Variants in PLA2G4C observed in about 807,000 individuals in gnomAD.
The protein encoded by PLA2G4C is cytosolic phospholipase A2 gamma.
A neutral mutation model predicts 73.8 loss-of-function variants in PLA2G4C; 64 were observed. The ratio of observed to expected loss-of-function variants is 0.87; its 90% CI spans 0.71 to 1.07. The LOEUF is 1.07. PLA2G4C is among the 50% of genes least tolerant of loss of function. The pLI, the probability that PLA2G4C is intolerant of heterozygous loss-of-function variation, is 0.00. For missense variants in PLA2G4C, 622 were observed against 665.4 expected, an observed-to-expected ratio of 0.93 and a Z score of 0.72; for synonymous variants, 254 against 252.1, an observed-to-expected ratio of 1.01 and a Z score of -0.07.
In PLA2G4C at chr19:48,104,632, C is replaced by T. The variant is rs371995820; in HGVS notation, c.213G>A (p.Leu71=). The T allele has an allele frequency of 1.2e-5, 20 of 1,614,178 alleles. No individual in the cohort carries two copies. Among genetic ancestry groups the T allele is most frequent in the East Asian group, 1.1e-4 (5 of 44,884 alleles). ...CTGCGAGGTACGTGACGGCATCCAA[C>T]AGGCCCTGTTCTTTCATCTCACTCA... ...GVLSEMKEQG[L]LDAVTYLAGV... Residue 71 remains leucine (L), a synonymous_variant, in exon 4 of 17, where the codon CTG becomes CTA. Coordinates refer to ENST00000599921, the MANE Select transcript of PLA2G4C (RefSeq NM_003706.3).
In PLA2G4C at chr19:48,090,227, A is replaced by G. The variant is rs148315989; in HGVS notation, c.763+137T>C. On this transcript the variant is annotated intron_variant, in intron 8 of 16. Coordinates refer to ENST00000599921, the MANE Select transcript of PLA2G4C (RefSeq NM_003706.3). The stretch of plus-strand genomic sequence containing the variant: ...GTCATCCTGGCTGCCCAATTATATG[A>G]GAATAAATGTCAGGAAAAGCAGTTG... The G allele has an allele frequency of 1.1e-3, 757 of 701,520 alleles. 8 individuals are homozygous for G. In the African/African-American group the frequency reaches 0.011, roughly 10 times the overall value. The allele number at this position is 701,520 out of a possible 1,614,324, so 43.5% of individuals were successfully genotyped here.
At chr19:48,068,059 T>A in intron 12 of PLA2G4C, 173 bp from the exon 13 acceptor site, 1 of 596,482 alleles carries the variant, frequency 1.7e-6, no homozygotes, top group Non-Finnish European at 3.0e-6. Context: ...ATCCCAGCAC[T>A]TTGGGAGGCC....
chr19:48,068,204 C>T (rs1468302966), intron 12 of PLA2G4C, among the ~76,000 whole-genome samples: 1 of 149,896 alleles, frequency 6.7e-6, no homozygotes, highest in African/African-American at 2.5e-5. Flanking sequence ...ACTGGGGAGG[C>T]TGAGGCAGGA....
chr19:48,097,359 T>TCGCCTGCCTCAGC (rs1372534968), intron 6 of PLA2G4C, among the ~76,000 whole-genome samples: 1 of 147,476 alleles, frequency 6.8e-6, no homozygotes, highest in Non-Finnish European at 1.5e-5. Context: ...TTCACGCCAT[T>TCGCCTGCCTCAGC]CTCCTGCCTC....
chr19:48,053,616 C>T (rs1967814721), intron 15 of PLA2G4C, among the ~76,000 whole-genome samples: 2 of 152,060 alleles, frequency 1.3e-5, no homozygotes, highest in African/African-American at 4.8e-5. Flanking sequence ...AGGTGATCTG[C>T]CCCGGCTTGG....
At chr19:48,083,919 T>C (rs1358366742) in intron 10 of PLA2G4C, among the ~76,000 whole-genome samples, 3 of 152,032 alleles carry the variant, frequency 2.0e-5, no homozygotes, top group Non-Finnish European at 4.4e-5. Context: ...ACCAGTTACA[T>C]AGGTGAGTCA....
At chr19:48,077,219 T>C (rs756322491) in intron 11 of PLA2G4C, among the ~76,000 whole-genome samples, 3 of 152,114 alleles carry the variant, frequency 2.0e-5, no homozygotes, top group African/African-American at 4.8e-5. Context: ...AGCTCCTAGG[T>C]CTAATGAATG....
chr19:48,082,002 A>T (rs2030604089), intron 10 of PLA2G4C, among the ~76,000 whole-genome samples: 1 of 151,814 alleles, frequency 6.6e-6, no homozygotes, highest in South Asian at 2.1e-4. Context: ...AAGCACTTGA[A>T]CCCAGGATAC....
chr19:48,057,425 T>A (rs1377810223), intron 14 of PLA2G4C, among the ~76,000 whole-genome samples: 2 of 150,206 alleles, frequency 1.3e-5, no homozygotes, highest in South Asian at 2.1e-4. Context: ...AAACCACTCA[T>A]TAGCAAAAGG....
At chr19:48,097,825 C>A in intron 6 of PLA2G4C, 1 of 283,540 alleles carries the variant, frequency 3.5e-6, no homozygotes. Flanking sequence ...CACTATGTTG[C>A]CCAGGGTGGT....
intron 4 of PLA2G4C, among the ~76,000 whole-genome samples, chr19:48,102,654 C>T (rs983129830): frequency 2.6e-5 from 4 of 152,172 alleles, no homozygotes; most frequent in Non-Finnish European, 1.5e-5. Flanking sequence ...CAGTTTGTTG[C>T]TGTCACATGT....
intron 6 of PLA2G4C, among the ~76,000 whole-genome samples, chr19:48,096,296 T>A (rs189244739): frequency 1.6e-4 from 24 of 152,132 alleles, no homozygotes; most frequent in African/African-American, 5.8e-4. Flanking sequence ...AGATAAAACA[T>A]TCATGGCCGG....
intron 1 of PLA2G4C, among the ~76,000 whole-genome samples, chr19:48,107,701 G>A (rs1399487279): frequency 6.6e-6 from 1 of 152,146 alleles, no homozygotes; most frequent in African/African-American, 2.4e-5. Flanking sequence ...CAGTTATCCA[G>A]AGGCCTGACC....
At chr19:48,100,415 C>G (rs116700930) in intron 4 of PLA2G4C, among the ~76,000 whole-genome samples, 1 of 150,816 alleles carries the variant, frequency 6.6e-6, no homozygotes, top group Non-Finnish European at 1.5e-5. Context: ...CCTCTAGTGC[C>G]GGATACTCAG....
At chr19:48,104,446 G>T in intron 4 of PLA2G4C, 142 bp downstream of exon 4, 1 of 762,644 alleles carries the variant, frequency 1.3e-6, no homozygotes, top group South Asian at 1.8e-5. Context: ...CGTCAGAATT[G>T]CTCAGAATTG....
At chr19:48,049,988 C>G (rs1406727377) in intron 16 of PLA2G4C, among the ~76,000 whole-genome samples, 1 of 152,206 alleles carries the variant, frequency 6.6e-6, no homozygotes, top group African/African-American at 2.4e-5. Context: ...GTGGCATGAT[C>G]TGGGCTCACT....
intron 1 of PLA2G4C, 64 bp from the exon 2 acceptor site, chr19:48,106,625 G>A: frequency 7.5e-7 from 1 of 1,331,762 alleles, no homozygotes; most frequent in Non-Finnish European, 1.1e-6. Flanking sequence ...GACAGTGGGG[G>A]AGGGCTGGGA....
At position 48,052,466 on chromosome 19, in the gene PLA2G4C, C is replaced by CT. The variant is rs199584996; in HGVS notation, c.1580+530dup. Among the ~76,000 whole-genome samples, 1,165 of 152,124 alleles carry CT rather than the reference C, an allele frequency of 7.7e-3. 18 individuals carry two copies. Among genetic ancestry groups the CT allele is most frequent in the African/African-American group, 0.027 (1,109 of 41,508 alleles). On this transcript the variant is annotated intron_variant, in intron 16 of 16. Coordinates refer to ENST00000599921, the MANE Select transcript of PLA2G4C (RefSeq NM_003706.3). ...CCTTCTCTGCCATGGTAAAGATGTG[C>CT]TTGCTCCCCCTTCACCTTCCACCAT...
chr19:48,066,652 C>T (rs952554321), intron 13 of PLA2G4C, among the ~76,000 whole-genome samples: 2 of 151,894 alleles, frequency 1.3e-5, no homozygotes, highest in East Asian at 3.9e-4. Context: ...AAGATGTTCA[C>T]GATAGTCTTG....
Sources: allele counts gnomAD v4.1 joint callset (sites outside exome capture counted in the v4.1 genomes callset), GRCh38; gene constraint gnomAD v4.1.1; transcripts MANE v1.5; gene names NCBI Gene and HGNC (gene_info 2026-07-23, HGNC 2026-07-21).